The following SLC25A48 variants were observed in gnomAD, a reference collection of about 807,000 sequenced individuals.
The protein encoded by SLC25A48 is solute carrier family 25 member 48.
A neutral mutation model predicts 32.2 loss-of-function variants in SLC25A48; 29 were observed. The observed-to-expected ratio is 0.90, with a 90% CI of 0.67 to 1.23. SLC25A48 has a LOEUF of 1.23. Ranked by LOEUF, SLC25A48 falls within the 50% of genes most tolerant of loss-of-function variation. The probability of loss-of-function intolerance (pLI) is 0.00; values close to 1 mark genes in which losing one functional copy is unlikely to be tolerated. For missense variants in SLC25A48, 399 were observed against 422.7 expected (o/e 0.94, Z 0.49); for synonymous variants, 164 against 172.3 (o/e 0.95, Z 0.38).
intron 1 of SLC25A48, among the ~76,000 whole-genome samples, chr5:135,590,243 C>T (rs1219118822): frequency 6.6e-6 from 1 of 152,308 alleles, no homozygotes; most frequent in Middle Eastern, 3.4e-3. Flanking sequence ...TGAACTGACT[C>T]CCAGGGAACT....
chr5:135,687,799 A>C (rs1411496256), intron 3 of SLC25A48, among the ~76,000 whole-genome samples: 1 of 151,900 alleles, frequency 6.6e-6, no homozygotes, highest in Non-Finnish European at 1.5e-5. Flanking sequence ...GCATGGCTTT[A>C]CTTTTGTCTG....
At chr5:135,764,279 G>C (rs1756144389) in intron 3 of SLC25A48, among the ~76,000 whole-genome samples, 1 of 151,882 alleles carries the variant, frequency 6.6e-6, no homozygotes, top group African/African-American at 2.4e-5. Context: ...ATTAACCACA[G>C]AAAAACATAG....
At chr5:135,636,267 G>A (rs1561768772) in intron 3 of SLC25A48, among the ~76,000 whole-genome samples, 1 of 152,284 alleles carries the variant, frequency 6.6e-6, no homozygotes, top group East Asian at 1.9e-4. Context: ...AACAGTGAGT[G>A]AGGCATGGTC....
intron 3 of SLC25A48, among the ~76,000 whole-genome samples, chr5:135,785,115 C>T (rs1160531079): frequency 6.6e-6 from 1 of 151,988 alleles, no homozygotes; most frequent in Non-Finnish European, 1.5e-5. Context: ...GATATTACTC[C>T]GAATATCATA....
chr5:135,666,711 A>T (rs1344695227), intron 3 of SLC25A48, among the ~76,000 whole-genome samples: 2 of 151,992 alleles, frequency 1.3e-5, no homozygotes, highest in East Asian at 3.9e-4. Context: ...AGGGGAAGGA[A>T]ACCTTGTATT....
intron 4 of SLC25A48, among the ~76,000 whole-genome samples, chr5:135,871,128 A>G (rs1761612307): frequency 6.6e-6 from 1 of 150,880 alleles, no homozygotes; most frequent in African/African-American, 2.4e-5. Flanking sequence ...TGGATTTTCT[A>G]GCTTCAAAGA....
chr5:135,623,478 G>C (rs1580731402), intron 1 of SLC25A48, among the ~76,000 whole-genome samples: 1 of 152,306 alleles, frequency 6.6e-6, no homozygotes, highest in Non-Finnish European at 1.5e-5. Flanking sequence ...TCAGGTTTGG[G>C]AAAGCAGTGG....
intron 3 of SLC25A48, among the ~76,000 whole-genome samples, chr5:135,850,855 A>G (rs1369851829): frequency 6.6e-6 from 1 of 152,160 alleles, no homozygotes; most frequent in Non-Finnish European, 1.5e-5. Flanking sequence ...ACCTCCCTTT[A>G]TCTGGCCCGG....
At chr5:135,873,128 G>A (rs1291181856) in intron 5 of SLC25A48, among the ~76,000 whole-genome samples, 1 of 152,226 alleles carries the variant, frequency 6.6e-6, no homozygotes, top group African/African-American at 2.4e-5. Flanking sequence ...AGAAGGCACA[G>A]GTTTAGAGAG....
At chr5:135,830,578 G>C (rs1758178869), upstream of SLC25A48, among the ~76,000 whole-genome samples, 1 of 152,180 alleles carries the variant, frequency 6.6e-6, no homozygotes, top group African/African-American at 2.4e-5. Flanking sequence ...GTCTGCACAT[G>C]CTCTGCACAT....
chr5:135,787,156 A>G (rs35660789), intron 3 of SLC25A48, among the ~76,000 whole-genome samples: 37,489 of 151,832 alleles, frequency 0.25, 5,033 homozygotes, highest in East Asian at 0.44. Context: ...CTGTGATATT[A>G]TTCATATAAT....
At chr5:135,804,266 A>C (rs1757407686) in intron 3 of SLC25A48, among the ~76,000 whole-genome samples, 1 of 151,698 alleles carries the variant, frequency 6.6e-6, no homozygotes, top group Admixed American at 6.6e-5. Flanking sequence ...CATTAAGTGT[A>C]ATATCTCCCT....
At chr5:135,586,135 A>C (rs1041351068) in intron 1 of SLC25A48, among the ~76,000 whole-genome samples, 1 of 152,210 alleles carries the variant, frequency 6.6e-6, no homozygotes, top group African/African-American at 2.4e-5. Context: ...CAAGTGGCAG[A>C]GCTGAGATTC....
At chr5:135,873,911 G>T in intron 5 of SLC25A48, 110 bp from the exon 6 acceptor site, 1 of 1,244,668 alleles carries the variant, frequency 8.0e-7, no homozygotes, top group Non-Finnish European at 1.1e-6. Context: ...CCTGAGCTCT[G>T]TCCCTTCTCC....
chr5:135,655,314 A>G (rs1387676768), intron 3 of SLC25A48, among the ~76,000 whole-genome samples: 3 of 152,144 alleles, frequency 2.0e-5, no homozygotes, highest in Admixed American at 1.3e-4. Flanking sequence ...TCACTCTCAC[A>G]AGGACCCCAT....
intron 3 of SLC25A48, among the ~76,000 whole-genome samples, chr5:135,635,262 C>T (rs554910010): frequency 6.6e-5 from 10 of 152,346 alleles, no homozygotes; most frequent in Admixed American, 5.2e-4. Context: ...CATCTCAAGA[C>T]ATCTGCCAGC....
At chr5:135,662,211 G>A (rs1753419712) in intron 3 of SLC25A48, among the ~76,000 whole-genome samples, 2 of 152,228 alleles carry the variant, frequency 1.3e-5, no homozygotes, top group African/African-American at 4.8e-5. Context: ...CTCTTCTGAG[G>A]TTTATTTGCC....
intron 4 of SLC25A48, among the ~76,000 whole-genome samples, chr5:135,829,346 C>A (rs1350017256): frequency 6.6e-6 from 1 of 152,216 alleles, no homozygotes; most frequent in Admixed American, 6.5e-5. Context: ...GGTCCACTGA[C>A]CTGCCTGGCC....
At chr5:135,708,122 G>A (rs1260404699) in intron 3 of SLC25A48, among the ~76,000 whole-genome samples, 1 of 152,134 alleles carries the variant, frequency 6.6e-6, no homozygotes, top group Non-Finnish European at 1.5e-5. Flanking sequence ...AGGGGCCTGG[G>A]ATAGGGATAT....
Sources: allele counts gnomAD v4.1 joint callset (sites outside exome capture counted in the v4.1 genomes callset), GRCh38; gene constraint gnomAD v4.1.1; transcripts MANE v1.5; gene names NCBI Gene and HGNC (gene_info 2026-07-23, HGNC 2026-07-21).